Variants in HDAC8 observed in about 807,000 individuals in gnomAD.
The protein encoded by HDAC8 is histone deacetylase 8.
HDAC8 carries 1 observed loss-of-function variant against 32.2 expected under a neutral mutation model. The observed-to-expected ratio is 0.03, with a 90% confidence interval of 0.01 to 0.15. The LOEUF is 0.15. Ranked by LOEUF, HDAC8 falls within the 10% of genes least tolerant of loss-of-function variation. The probability of loss-of-function intolerance (pLI) is 1.00; values close to 1 mark genes in which losing one functional copy is unlikely to be tolerated. For missense variants in HDAC8, 117 were observed against 300.0 expected (o/e 0.39, Z 4.51); for synonymous variants, 108 against 113.9 (o/e 0.95, Z 0.33).
chrX:72,521,859 A>G (rs139995587), intron 4 of HDAC8, among the ~76,000 whole-genome samples: 140 of 110,841 alleles, frequency 1.3e-3, no homozygotes, highest in Middle Eastern at 4.7e-3. Context: ...ACTCAACTTC[A>G]TTGTTGCTAA....
chrX:72,490,904 T>C (rs1299293540), intron 6 of HDAC8, 25 bp downstream of exon 6: 33 of 1,067,390 alleles, frequency 3.1e-5, no homozygotes, highest in Non-Finnish European at 4.2e-5. Context: ...TCATCAAATG[T>C]AATACTGAGT....
intron 4 of HDAC8, among the ~76,000 whole-genome samples, chrX:72,514,242 G>C (rs1281427725): frequency 8.9e-6 from 1 of 112,152 alleles, no homozygotes; most frequent in Admixed American, 9.4e-5. Flanking sequence ...CTATGAAATA[G>C]TTTCTTTAAC....
chrX:72,542,596 C>G (rs1217388730), intron 4 of HDAC8, among the ~76,000 whole-genome samples: 1 of 111,813 alleles, frequency 8.9e-6, no homozygotes, highest in Non-Finnish European at 1.9e-5. Context: ...GTCTCTTAGC[C>G]TTAGGTTTGC....
chrX:72,477,520 G>C (rs1556001173), intron 7 of HDAC8, among the ~76,000 whole-genome samples: 1 of 111,760 alleles, frequency 8.9e-6, no homozygotes, highest in African/African-American at 3.3e-5. Context: ...GCCTCCCTAA[G>C]ATTCAAAGCC....
intron 10 of HDAC8, among the ~76,000 whole-genome samples, chrX:72,340,859 T>A (rs1284667937): frequency 9.0e-6 from 1 of 111,557 alleles, no homozygotes; most frequent in African/African-American, 3.3e-5. Flanking sequence ...TGTGGAGCCC[T>A]GAAGGTAGGG....
At chrX:72,335,478 G>A (rs898932034) in intron 10 of HDAC8, among the ~76,000 whole-genome samples, 1 of 111,718 alleles carries the variant, frequency 9.0e-6, no homozygotes, top group African/African-American at 3.3e-5. Context: ...ATGTCTTTTT[G>A]TGGTTTGATA....
At chrX:72,378,791 TG>T (rs1248790657) in intron 9 of HDAC8, among the ~76,000 whole-genome samples, 1 of 111,303 alleles carries the variant, frequency 9.0e-6, no homozygotes, top group Non-Finnish European at 1.9e-5. Flanking sequence ...CCCTTACTGG[TG>T]GTCTTTATTT....
At chrX:72,536,411 G>A (rs928371677) in intron 4 of HDAC8, among the ~76,000 whole-genome samples, 2 of 111,814 alleles carry the variant, frequency 1.8e-5, no homozygotes, top group South Asian at 7.6e-4. Context: ...CTCCTTCAGA[G>A]GAATGTTATC....
intron 8 of HDAC8, 106 bp downstream of exon 8, chrX:72,464,453 G>T: frequency 1.6e-6 from 1 of 628,231 alleles, no homozygotes; most frequent in Non-Finnish European, 2.7e-6. Flanking sequence ...GCCTCAGGTA[G>T]GTTGGTATTA....
At chrX:72,400,915 C>T (rs1555967158) in intron 9 of HDAC8, among the ~76,000 whole-genome samples, 2 of 112,407 alleles carry the variant, frequency 1.8e-5, no homozygotes, top group Admixed American at 1.9e-4. Context: ...TCAGCTTCTT[C>T]ACTCCTGTTT....
intron 4 of HDAC8, among the ~76,000 whole-genome samples, chrX:72,506,920 C>T (rs2049410344): frequency 9.0e-6 from 1 of 111,021 alleles, no homozygotes; most frequent in African/African-American, 3.3e-5. Context: ...AGCATGATCT[C>T]AGTTGACCGC....
intron 7 of HDAC8, among the ~76,000 whole-genome samples, chrX:72,480,676 G>A (rs1317749400): frequency 8.9e-6 from 1 of 112,162 alleles, no homozygotes; most frequent in African/African-American, 3.2e-5. Flanking sequence ...ATGATAGACT[G>A]GATAAAGAAA....
chrX:72,337,566 T>G (rs888032879), intron 10 of HDAC8, among the ~76,000 whole-genome samples: 3 of 111,143 alleles, frequency 2.7e-5, no homozygotes, highest in African/African-American at 9.8e-5. Context: ...TTTTTTTCCC[T>G]CCTTCACTGC....
Position 72,550,333 on chromosome X carries a change from C to T in HDAC8, c.437+17556G>A, listed in dbSNP as rs782030657. Among the ~76,000 whole-genome samples, 295 of 109,700 alleles carry T rather than the reference C, an allele frequency of 2.7e-3. 2 individuals are homozygous for T. The highest frequency in any genetic ancestry group is 4.7e-3 in the Middle Eastern group (1 of 212). ...AGCTTTAATGACAAACTTGGAAGTC[C>T]CCCCCACCCCACCAACTTTCACACC... On this transcript the variant is annotated intron_variant, in intron 4 of 10. Coordinates refer to ENST00000373573, the MANE Select transcript of HDAC8 (RefSeq NM_018486.3).
intron 9 of HDAC8, among the ~76,000 whole-genome samples, chrX:72,358,271 A>G (rs1555951424): frequency 1.8e-5 from 2 of 111,730 alleles, no homozygotes; most frequent in African/African-American, 6.5e-5. Context: ...TAACCTCAGC[A>G]TATGATTTTT....
chrX:72,447,614 A>T (rs1433362833), intron 9 of HDAC8, among the ~76,000 whole-genome samples: 1 of 111,913 alleles, frequency 8.9e-6, no homozygotes, highest in Non-Finnish European at 1.9e-5. Flanking sequence ...AAAGAAATAA[A>T]GGGTATTCAA....
At chrX:72,570,045 T>A (rs1186500839) in intron 2 of HDAC8, among the ~76,000 whole-genome samples, 2 of 112,115 alleles carry the variant, frequency 1.8e-5, no homozygotes, top group Non-Finnish European at 1.9e-5. Context: ...TTACGATGAA[T>A]GAATACGACT....
Position 72,477,602 on chromosome X carries a change from A to G in HDAC8, c.737+11331T>C, listed in dbSNP as rs781922612. Among the ~76,000 whole-genome samples the G allele has an allele frequency of 5.3e-5, 6 of 112,343 alleles. No homozygotes were observed. The Admixed American group carries it at 5.7e-4, about 11-fold the overall frequency. ...AATATCCTTTCCCAGATGATTGGAA[A>G]TCTCTGCAATGCCGTCATACAATGA... On this transcript the variant is annotated intron_variant, in intron 7 of 10. Coordinates refer to ENST00000373573, the MANE Select transcript of HDAC8 (RefSeq NM_018486.3).
chrX:72,514,375 T>G (rs888427300), intron 4 of HDAC8, among the ~76,000 whole-genome samples: 2 of 112,147 alleles, frequency 1.8e-5, no homozygotes, highest in African/African-American at 6.5e-5. Flanking sequence ...TAGGGTCATC[T>G]TTGAAAGTTG....
Sources: allele counts gnomAD v4.1 joint callset (sites outside exome capture counted in the v4.1 genomes callset), GRCh38; gene constraint gnomAD v4.1.1; transcripts MANE v1.5; gene names NCBI Gene and HGNC (gene_info 2026-07-23, HGNC 2026-07-21).